TOGARAM1: variants seen among roughly 807,000 people sequenced by gnomAD.
TOGARAM1 encodes TOG array regulator of axonemal microtubules 1, also known as TOG array regulator of axonemal microtubules protein 1.
A neutral mutation model predicts 166.6 loss-of-function variants in TOGARAM1; 100 were observed. The observed-to-expected ratio is 0.60, with a 90% CI of 0.51 to 0.71. The LOEUF (loss-of-function observed/expected upper bound fraction) is 0.71, where lower values mean the gene tolerates loss of function less well. Among genes scored for constraint, TOGARAM1 ranks in the 30% least tolerant of loss-of-function variants. The pLI, the probability that TOGARAM1 is intolerant of heterozygous loss-of-function variation, is 0.00. For missense variants in TOGARAM1, 2,029 were observed against 2,102.7 expected (o/e 0.96, Z 0.69); for synonymous variants, 758 against 763.8 (o/e 0.99, Z 0.13).
At chr14:45,048,332 A>C (rs936020954) in intron 14 of TOGARAM1, among the ~76,000 whole-genome samples, 2 of 151,892 alleles carry the variant, frequency 1.3e-5, no homozygotes, top group African/African-American at 2.4e-5. Context: ...AAAAAAAAAA[A>C]AAAAGGATAA....
chr14:44,987,004 CAAA>C (rs749013284), intron 1 of TOGARAM1, among the ~76,000 whole-genome samples: 2 of 58,358 alleles, frequency 3.4e-5, no homozygotes, highest in Non-Finnish European at 7.1e-5. Flanking sequence ...GACTCTGTCT[CAAA>C]AAAAAAAAAA....
At chr14:44,980,674 C>G (rs1052971780) in intron 1 of TOGARAM1, among the ~76,000 whole-genome samples, 1 of 152,098 alleles carries the variant, frequency 6.6e-6, no homozygotes. Flanking sequence ...GAGTGAGACT[C>G]GGTCCCCACC....
chr14:45,036,132 A>T (rs537495560), intron 11 of TOGARAM1, among the ~76,000 whole-genome samples: 2,759 of 125,470 alleles, frequency 0.022, 48 homozygotes, highest in African/African-American at 0.1. Flanking sequence ...CTTGTCTCTA[A>T]AAAAAAAAAA....
intron 14 of TOGARAM1, among the ~76,000 whole-genome samples, chr14:45,047,691 C>G (rs546687038): frequency 6.6e-6 from 1 of 151,970 alleles, no homozygotes; most frequent in Non-Finnish European, 1.5e-5. Flanking sequence ...TCTCTGTTTC[C>G]TTGTCTATAA....
chr14:44,962,552 G>C lies in TOGARAM1; in HGVS notation c.131G>C (p.Gly44Ala). Residue 44 changes from glycine to alanine, a missense_variant, in exon 1 of 20, where the codon GGA (glycine) becomes GCA (alanine). Gly to Ala is a moderately conservative substitution (Grantham distance 60). This residue lies in a region of TOGARAM1 where 1,453 missense variants were observed against 1,432.2 expected (regional missense o/e 1.01). Coordinates refer to ENST00000361462, the MANE Select transcript of TOGARAM1 (RefSeq NM_001308120.2). ...AGTCGAGTTGGGGGCATTATGAGAG[G>C]AGAGAAAAACTACTACTTCCGTGGA... ...DDSRVGGIMR[G>A]EKNYYFRGAA... is the part of the protein sequence containing the mutation. The C allele has an allele frequency of 6.2e-7, 1 of 1,613,980 alleles. No homozygotes were observed. Among genetic ancestry groups the C allele is most frequent in the Non-Finnish European group, 8.5e-7 (1 of 1,179,966 alleles).
At chr14:44,992,302 T>G (rs1434852804) in intron 1 of TOGARAM1, among the ~76,000 whole-genome samples, 2 of 152,052 alleles carry the variant, frequency 1.3e-5, no homozygotes, top group African/African-American at 2.4e-5. Flanking sequence ...TAACTGTGGT[T>G]AATGGGAATA....
intron 12 of TOGARAM1, 41 bp from the exon 13 acceptor site, chr14:45,044,594 G>T: frequency 7.4e-7 from 1 of 1,359,266 alleles, no homozygotes; most frequent in Non-Finnish European, 1.0e-6. Flanking sequence ...TGATTTTCTT[G>T]CAGAATATCA....
intron 3 of TOGARAM1, among the ~76,000 whole-genome samples, chr14:45,003,720 G>C (rs1276577354): frequency 7.8e-6 from 1 of 128,800 alleles, no homozygotes; most frequent in Middle Eastern, 3.8e-3. Flanking sequence ...GAGGATCATT[G>C]TAATGAGAAA....
intron 7 of TOGARAM1, 63 bp downstream of exon 7, chr14:45,012,138 G>T (rs1879843790): frequency 9.3e-7 from 1 of 1,070,904 alleles, no homozygotes; most frequent in Non-Finnish European, 1.3e-6. Context: ...TGTAAAAAAT[G>T]ATAGCAAGTG....
intron 6 of TOGARAM1, 57 bp downstream of exon 6, chr14:45,009,202 C>A: frequency 1.6e-6 from 2 of 1,245,820 alleles, no homozygotes; most frequent in Non-Finnish European, 2.3e-6. Flanking sequence ...TGATTTAGAG[C>A]CCTAATATCA....
chr14:45,063,856 C>T (rs1326008166), intron 16 of TOGARAM1, among the ~76,000 whole-genome samples: 2 of 152,162 alleles, frequency 1.3e-5, no homozygotes, highest in East Asian at 3.9e-4. Context: ...ACCTTGGGCC[C>T]TGTCCTTGAC....
intron 6 of TOGARAM1, among the ~76,000 whole-genome samples, chr14:45,010,684 T>A (rs1879735383): frequency 6.6e-6 from 1 of 152,208 alleles, no homozygotes; most frequent in Non-Finnish European, 1.5e-5. Context: ...AATTTAAGAT[T>A]TCCACATTTA....
intron 1 of TOGARAM1, among the ~76,000 whole-genome samples, chr14:44,978,853 T>C (rs1594615536): frequency 6.6e-6 from 1 of 151,030 alleles, no homozygotes; most frequent in Non-Finnish European, 1.5e-5. Flanking sequence ...GAGCCAGGCA[T>C]GGTGGCATAT....
intron 7 of TOGARAM1, among the ~76,000 whole-genome samples, chr14:45,020,483 C>T (rs1035072423): frequency 6.6e-6 from 1 of 152,176 alleles, no homozygotes; most frequent in African/African-American, 2.4e-5. Context: ...GGTTGTGATA[C>T]TGCCCATGCC....
intron 18 of TOGARAM1, among the ~76,000 whole-genome samples, chr14:45,071,367 G>A (rs954586055): frequency 1.0e-4 from 15 of 147,298 alleles, no homozygotes; most frequent in African/African-American, 3.8e-4. Context: ...TTTGCTTTAA[G>A]AATATTACTC....
At chr14:44,998,292 TAAGAC>T (rs1887530256) in intron 2 of TOGARAM1, among the ~76,000 whole-genome samples, 1 of 152,192 alleles carries the variant, frequency 6.6e-6, no homozygotes, top group Non-Finnish European at 1.5e-5. Flanking sequence ...AACTGGAAAA[TAAGAC>T]AATATGTAAG....
chr14:44,987,177 G>A (rs931091752), intron 1 of TOGARAM1, among the ~76,000 whole-genome samples: 1 of 151,632 alleles, frequency 6.6e-6, no homozygotes, highest in African/African-American at 2.4e-5. Flanking sequence ...CTGACCTCGT[G>A]ATCTGCCCGC....
chr14:45,060,474 C>T (rs1882856022), intron 16 of TOGARAM1, among the ~76,000 whole-genome samples: 2 of 152,206 alleles, frequency 1.3e-5, no homozygotes, highest in South Asian at 4.1e-4. Flanking sequence ...TCTTGGCCTC[C>T]AGAGGTGCTA....
Position 44,962,537 on chromosome 14 carries a change from G to A in TOGARAM1, c.116G>A (p.Gly39Glu). The A allele has an allele frequency of 6.2e-7, 1 of 1,613,846 alleles. No homozygotes were observed. Among genetic ancestry groups the A allele is most frequent in the Non-Finnish European group, 8.5e-7 (1 of 1,179,954 alleles). Residue 39 changes from glycine to glutamate, a missense_variant, in exon 1 of 20, where the codon GGG (glycine) becomes GAG (glutamate). Gly to Glu is a moderately conservative substitution (Grantham distance 98). Coordinates refer to ENST00000361462, the MANE Select transcript of TOGARAM1 (RefSeq NM_001308120.2). The part of the protein sequence containing the change: ...SAPETDDSRV[G>E]GIMRGEKNYY... ...CCAGAGACCGATGATAGTCGAGTTG[G>A]GGGCATTATGAGAGGAGAGAAAAAC...
Sources: gnomAD v4.1 joint callset for allele counts (sites outside exome capture counted in the v4.1 genomes callset) on GRCh38, gnomAD v4.1.1 for gene constraint, gnomAD v4.1.1 regional missense constraint, MANE v1.5 for transcripts, NCBI Gene and HGNC (gene_info 2026-07-23, HGNC 2026-07-21) for gene names.